The following PCDHA12 variants were observed in gnomAD, a reference collection of about 807,000 sequenced individuals.
The protein encoded by PCDHA12 is protocadherin alpha-12.
PCDHA12 carries 44 observed loss-of-function variants against 60.0 expected under a neutral mutation model. That is an observed-to-expected ratio of 0.73 (90% CI 0.58 to 0.94). The LOEUF is 0.94. Among genes scored for constraint, PCDHA12 ranks in the 40% least tolerant of loss-of-function variants. The pLI, the probability that PCDHA12 is intolerant of heterozygous loss-of-function variation, is 0.00. For missense variants in PCDHA12, 1,276 were observed against 1,239.7 expected (o/e 1.03, Z -0.44); for synonymous variants, 569 against 553.0 (o/e 1.03, Z -0.40).
chr5:140,884,791 C>T, intron 1 of PCDHA12: 1 of 1,319,574 alleles, frequency 7.6e-7, no homozygotes, highest in Non-Finnish European at 1.0e-6. Context: ...TAGTTGTTAT[C>T]GAATTTAACA....
chr5:140,945,605 C>G (rs564297850), intron 1 of PCDHA12, among the ~76,000 whole-genome samples: 1 of 152,166 alleles, frequency 6.6e-6, no homozygotes, highest in East Asian at 1.9e-4. Context: ...CTATAATAAT[C>G]AAAACAGCAT....
intron 1 of PCDHA12, among the ~76,000 whole-genome samples, chr5:140,885,031 AT>A (rs1165183992): frequency 6.6e-6 from 1 of 152,198 alleles, no homozygotes; most frequent in Non-Finnish European, 1.5e-5. Flanking sequence ...AATTTAAAAA[AT>A]TTTTAGTTTA....
chr5:140,876,999 G>C lies in PCDHA12; in HGVS notation c.1527G>C (p.Ser509=). 1 of 1,612,546 alleles carries C rather than the reference G, an allele frequency of 6.2e-7. No homozygotes were observed. The highest frequency in any genetic ancestry group is 8.5e-7 in the Non-Finnish European group (1 of 1,179,788). ...AGCACGCACTGTCGAGCTACGTGTC[G>C]GTGCACGCGGAGAGCGGCAAGGTGT... ...VGEHALSSYV[S]VHAESGKVYA... Residue 509 remains serine, a synonymous_variant, in exon 1 of 4, where the codon TCG becomes TCC. Transcript: ENST00000398631.
intron 3 of PCDHA12, among the ~76,000 whole-genome samples, chr5:140,992,293 G>A (rs1043574685): frequency 1.3e-5 from 2 of 152,136 alleles, no homozygotes; most frequent in African/African-American, 2.4e-5. Flanking sequence ...GCAAAGGATG[G>A]GAGTATTGTT....
intron 1 of PCDHA12, among the ~76,000 whole-genome samples, chr5:140,950,849 T>G (rs1403920591): frequency 6.6e-6 from 1 of 152,120 alleles, no homozygotes; most frequent in Non-Finnish European, 1.5e-5. Flanking sequence ...ATACATTTCT[T>G]TCATATTCTT....
rs1296767379 is a variant in PCDHA12 at position 140,898,372 on chromosome 5, T to C, written c.2367+20533T>C. ...ATCTTGAATTAATTTTTGTATAAGG[T>C]GTAAGGAAGGGATCCAGTTTCAGCT... On this transcript the variant is annotated intron_variant, in intron 1 of 3. Coordinates refer to ENST00000398631, the MANE Select transcript of PCDHA12 (RefSeq NM_018903.4). Among the ~76,000 whole-genome samples, 5 of 152,320 alleles carry C rather than the reference T, an allele frequency of 3.3e-5. No individual in the cohort carries two copies. In the East Asian group the frequency reaches 9.6e-4, roughly 29 times the overall value.
At chr5:140,966,470 T>G (rs782674249) in intron 1 of PCDHA12, 26 of 431,180 alleles carry the variant, frequency 6.0e-5, no homozygotes, top group Non-Finnish European at 9.3e-5. Context: ...TCTTCCCTTC[T>G]GTTTCCTTTT....
At chr5:140,982,650 CTCTTTT>C (rs2096993978) in intron 3 of PCDHA12, 87 bp downstream of exon 3, 1 of 1,507,000 alleles carries the variant, frequency 6.6e-7, no homozygotes, top group South Asian at 1.3e-5. Context: ...ATGTTGATGG[CTCTTTT>C]TCTTTTATAT....
rs531996502 is a variant in PCDHA12, at chr5:140,944,251, G to A, written c.2368-34698G>A. Among the ~76,000 whole-genome samples the A allele has an allele frequency of 2.2e-4, 33 of 152,302 alleles. No individual in the cohort carries two copies. In the South Asian group the frequency reaches 6.8e-3, roughly 32 times the overall value. On this transcript the variant is annotated intron_variant, in intron 1 of 3. Transcript: ENST00000398631. ...CGCTCAGGCTGGAGTGCAGTGATGT[G>A]ATCACTGCTCACTGCAGCCTTGACA...
rs1219444085 is a variant in PCDHA12 at position 141,010,861 on chromosome 5, A to G, written c.*924A>G. On this transcript the variant is annotated 3_prime_UTR_variant, in exon 4 of 4. Coordinates refer to ENST00000398631, the MANE Select transcript of PCDHA12 (RefSeq NM_018903.4). ...ATTTATTTAAAAAAAGAGAAAGTCTATAGCTATAAATCTTTAAAGAGAAAT... is the reference window on the plus strand; with the variant it reads ...ATTTATTTAAAAAAAGAGAAAGTCTGTAGCTATAAATCTTTAAAGAGAAAT... 9.1e-5 allele frequency: 14 copies of G among 153,794 alleles called. No individual in the cohort carries two copies. Among genetic ancestry groups the G allele is most frequent in the African/African-American group, 3.1e-4 (13 of 41,468 alleles). 9.5% of individuals were successfully genotyped at this position (153,794 alleles called of 1,614,324 possible).
At chr5:140,917,330 AG>A (rs1425400137) in intron 1 of PCDHA12, among the ~76,000 whole-genome samples, 1,705 of 103,254 alleles carry the variant, frequency 0.017, 125 homozygotes, top group African/African-American at 0.055. Context: ...GTGGCGGGGG[AG>A]GGGGGGGATG....
At chr5:140,895,709 A>G (rs763607157) in intron 1 of PCDHA12, among the ~76,000 whole-genome samples, 2 of 152,208 alleles carry the variant, frequency 1.3e-5, no homozygotes, top group African/African-American at 2.4e-5. Flanking sequence ...CACTTGGGAT[A>G]ATGGCCTGCA....
At chr5:140,997,833 A>G (rs2097787444) in intron 3 of PCDHA12, among the ~76,000 whole-genome samples, 1 of 152,230 alleles carries the variant, frequency 6.6e-6, no homozygotes. Flanking sequence ...TCTAAACAAT[A>G]CAATATACAT....
chr5:141,005,662 A>G (rs2098227817), intron 3 of PCDHA12, among the ~76,000 whole-genome samples: 1 of 138,324 alleles, frequency 7.2e-6, no homozygotes, highest in East Asian at 2.2e-4. Context: ...AGATCGCGCC[A>G]CTGCACTCCA....
At chr5:140,950,452 C>A (rs1030639288) in intron 1 of PCDHA12, among the ~76,000 whole-genome samples, 12 of 151,888 alleles carry the variant, frequency 7.9e-5, no homozygotes, top group African/African-American at 2.7e-4. Context: ...ATTCTACTGT[C>A]TTCTAATGCT....
intron 1 of PCDHA12, among the ~76,000 whole-genome samples, chr5:140,959,712 T>A (rs166567): frequency 0.25 from 37,822 of 152,086 alleles, 5,932 homozygotes; most frequent in African/African-American, 0.45. Flanking sequence ...AAAGGGAAAA[T>A]TTTTAGATAA....
In PCDHA12 at chr5:140,876,118, G is replaced by A. The variant is rs2153337008; in HGVS notation, c.646G>A (p.Asp216Asn). 6.2e-7 allele frequency: 1 copy of A among 1,613,926 alleles called. No homozygotes were observed. The highest frequency in any genetic ancestry group is 1.1e-5 in the South Asian group (1 of 91,090). Residue 216 changes from aspartate (D) to asparagine (N), a missense_variant, in exon 1 of 4, where the codon GAT becomes AAT. Physicochemically the swap from Asp to Asn is conservative, Grantham distance 23 (BLOSUM62 1). Coordinates refer to ENST00000398631, the MANE Select transcript of PCDHA12 (RefSeq NM_018903.4). The stretch of plus-strand genomic sequence containing the variant: ...ACTCAATTTATTGCTGATGGTAATC[G>A]ATGGCGGTAAACCAGAACTAACAGG... ...PKLNLLLMVIDGGKPELTGSV... is the reference protein window; with the variant it reads ...PKLNLLLMVINGGKPELTGSV...
intron 1 of PCDHA12, among the ~76,000 whole-genome samples, chr5:140,913,928 G>A (rs2076511708): frequency 1.3e-5 from 2 of 151,918 alleles, no homozygotes; most frequent in Non-Finnish European, 2.9e-5. Flanking sequence ...CTTCATTGTG[G>A]TCAGAGAAGA....
chr5:140,967,628 T>C (rs1341456967), intron 1 of PCDHA12: 3 of 1,613,984 alleles, frequency 1.9e-6, no homozygotes, highest in Non-Finnish European at 2.5e-6. Context: ...GGATGAGGGC[T>C]CCAATGGTGA....
Sources: gnomAD v4.1 joint callset for allele counts (sites outside exome capture counted in the v4.1 genomes callset) on GRCh38, gnomAD v4.1.1 for gene constraint, MANE v1.5 for transcripts, NCBI Gene and HGNC (gene_info 2026-07-23, HGNC 2026-07-21) for gene names.